The following KAZN variants were observed in gnomAD, a reference collection of about 807,000 sequenced individuals.
KAZN encodes the protein kazrin.
In KAZN, 40 loss-of-function variants were observed where a neutral mutation model predicts 87.4. The ratio of observed to expected loss-of-function variants is 0.46; its 90% confidence interval spans 0.36 to 0.60. KAZN has a LOEUF of 0.60. KAZN is among the 20% of genes least tolerant of loss of function. The pLI is 0.00. For synonymous variants in KAZN, 466 were observed against 458.3 expected (o/e 1.02, Z -0.22); for missense variants, 898 against 1,073.9 (o/e 0.84, Z 2.29).
At chr1:14,146,795 C>T (rs574567883) in intron 1 of KAZN, among the ~76,000 whole-genome samples, 70 of 150,444 alleles carry the variant, frequency 4.7e-4, no homozygotes, top group South Asian at 4.6e-3. Context: ...TCCTTTGGAA[C>T]ATTTTAGGAT....
intron 1 of KAZN, among the ~76,000 whole-genome samples, chr1:14,149,068 T>TGCC (rs1395171719): frequency 8.9e-5 from 10 of 112,570 alleles, no homozygotes; most frequent in African/African-American, 3.2e-4. Flanking sequence ...CCTGCCTTCC[T>TGCC]TCCTTCCTTC....
intron 2 of KAZN, among the ~76,000 whole-genome samples, chr1:14,437,186 C>T (rs1666445763): frequency 6.6e-6 from 1 of 152,156 alleles, no homozygotes; most frequent in African/African-American, 2.4e-5. Flanking sequence ...AAAACCATGT[C>T]AGTTTGTGAT....
upstream of KAZN, chr1:14,598,683 T>G: frequency 7.8e-7 from 1 of 1,279,330 alleles, no homozygotes; most frequent in Non-Finnish European, 9.8e-7. This position sits in a 1 kb window ranked among gnomAD's most constrained non-coding sequence, Gnocchi z 4.2. Context: ...GCGCGCGGTG[T>G]CCTTCTTGGA....
chr1:14,853,843 C>T (rs1288182563), intron 1 of KAZN, among the ~76,000 whole-genome samples: 2 of 152,026 alleles, frequency 1.3e-5, no homozygotes, highest in South Asian at 2.1e-4. Context: ...CCGTGGGGGC[C>T]GAGACACCAC....
chr1:14,762,480 C>T (rs1031368923), intron 1 of KAZN, among the ~76,000 whole-genome samples: 2 of 122,512 alleles, frequency 1.6e-5, no homozygotes, highest in African/African-American at 5.5e-5. Context: ...AATCCCAGCA[C>T]TTTGGGAGGC....
At chr1:14,538,714 A>T (rs1272818095) in intron 2 of KAZN, among the ~76,000 whole-genome samples, 1 of 152,252 alleles carries the variant, frequency 6.6e-6, no homozygotes, top group African/African-American at 2.4e-5. Context: ...CAAGCAGCTG[A>T]AATGATTTTA....
intron 2 of KAZN, among the ~76,000 whole-genome samples, chr1:14,347,391 A>T (rs1177480735): frequency 6.6e-6 from 1 of 152,148 alleles, no homozygotes; most frequent in African/African-American, 2.4e-5. Flanking sequence ...CCTACCAGAA[A>T]ATGGTGGGAA....
chr1:14,643,901 G>A (rs1680595415), intron 1 of KAZN, among the ~76,000 whole-genome samples: 1 of 150,120 alleles, frequency 6.7e-6, no homozygotes, highest in Admixed American at 6.6e-5. Flanking sequence ...ATTTTAATTT[G>A]CATTTCTCTA....
chr1:14,531,476 C>T (rs926315325), intron 2 of KAZN, among the ~76,000 whole-genome samples: 8 of 152,100 alleles, frequency 5.3e-5, no homozygotes, highest in Non-Finnish European at 7.3e-5. Flanking sequence ...ATCAGGATCA[C>T]GTTGTGGGGA....
At chr1:14,880,390 T>C (rs1301109154) in intron 1 of KAZN, among the ~76,000 whole-genome samples, 2 of 152,212 alleles carry the variant, frequency 1.3e-5, no homozygotes, top group African/African-American at 4.8e-5. Context: ...CTCAGCAGTC[T>C]GATTCCAGAG....
At chr1:14,225,112 C>G (rs1002615711) in intron 2 of KAZN, among the ~76,000 whole-genome samples, 1 of 152,114 alleles carries the variant, frequency 6.6e-6, no homozygotes, top group East Asian at 1.9e-4. Context: ...GTCAAACTAT[C>G]TCTGTTTGCA....
intron 1 of KAZN, among the ~76,000 whole-genome samples, chr1:13,940,753 G>T (rs1385960473): frequency 6.6e-6 from 1 of 152,126 alleles, no homozygotes; most frequent in African/African-American, 2.4e-5. Context: ...AATTTCTGCT[G>T]CTACCCTTAC....
intron 2 of KAZN, among the ~76,000 whole-genome samples, chr1:14,345,066 C>G (rs1281913319): frequency 1.3e-5 from 2 of 151,962 alleles, no homozygotes; most frequent in Non-Finnish European, 2.9e-5. Flanking sequence ...TTACAGGCAC[C>G]CGCTACCACA....
intron 2 of KAZN, among the ~76,000 whole-genome samples, chr1:14,512,606 C>T (rs1670970381): frequency 6.6e-6 from 1 of 151,774 alleles, no homozygotes; most frequent in African/African-American, 2.4e-5. Context: ...ATTTCACAGG[C>T]AGGAAAATAA....
chr1:13,994,193 A>AT (rs1445160478), intron 1 of KAZN, among the ~76,000 whole-genome samples: 1 of 152,174 alleles, frequency 6.6e-6, no homozygotes, highest in Non-Finnish European at 1.5e-5. Flanking sequence ...AGGGCATGGC[A>AT]TTTTTTGTCC....
chr1:14,676,189 C>T (rs1436357088), intron 1 of KAZN, among the ~76,000 whole-genome samples: 2 of 152,202 alleles, frequency 1.3e-5, no homozygotes, highest in African/African-American at 4.8e-5. Flanking sequence ...TTTGAATTAG[C>T]TGTTGACTCC....
In KAZN at chr1:15,056,161, C is replaced by T. The variant is rs372607496; in HGVS notation, c.797C>T (p.Thr266Met). The part of the protein sequence containing the change: ...KRHSLAMPGE[T>M]VLNGNQEWVV... Reference sequence around the variant, plus strand: ...CATTCCCTCGCCATGCCGGGCGAGACGGTGCTCAATGGCAACCAGGAGTGG... The same window carrying T: ...CATTCCCTCGCCATGCCGGGCGAGATGGTGCTCAATGGCAACCAGGAGTGG... Residue 266 changes from threonine (T) to methionine (M), a missense_variant, in exon 5 of 15, where the codon ACG becomes ATG. Transcript: ENST00000376030. This position sits in a 1 kb window ranked among gnomAD's most constrained non-coding sequence, Gnocchi z 5.4. 151 of 1,614,184 alleles carry T rather than the reference C, an allele frequency of 9.4e-5. No individual in the cohort carries two copies. In the Middle Eastern group the frequency reaches 1.3e-3, roughly 14 times the overall value.
intron 1 of KAZN, among the ~76,000 whole-genome samples, chr1:14,770,931 A>C (rs12077960): frequency 0.17 from 25,806 of 152,050 alleles, 2,703 homozygotes; most frequent in African/African-American, 0.29. Context: ...GGGTAAGGGG[A>C]ACAGGGAGAC....
intron 2 of KAZN, among the ~76,000 whole-genome samples, chr1:14,472,864 A>G (rs1479783830): frequency 6.6e-6 from 1 of 152,206 alleles, no homozygotes; most frequent in East Asian, 1.9e-4. Context: ...GTGCTATAGA[A>G]GAGATACAAA....
Sources: allele counts gnomAD v4.1 joint callset (sites outside exome capture counted in the v4.1 genomes callset), GRCh38; gene constraint gnomAD v4.1.1; non-coding constraint Gnocchi (gnomAD v3.1); transcripts MANE v1.5; gene names NCBI Gene and HGNC (gene_info 2026-07-23, HGNC 2026-07-21).